DIPK1A: variants seen among roughly 807,000 people sequenced by gnomAD.
DIPK1A encodes family with sequence similarity 69 member A.
Under a neutral mutation model 40.8 loss-of-function variants are expected in DIPK1A, and 27 were observed. That is an observed-to-expected ratio of 0.66 (90% CI 0.49 to 0.91). The LOEUF (loss-of-function observed/expected upper bound fraction) is 0.91. DIPK1A is among the 40% of genes least tolerant of loss of function. DIPK1A has a pLI of 0.00. For synonymous variants in DIPK1A, 166 were observed against 171.3 expected, an observed-to-expected ratio of 0.97 and a Z score of 0.24; for missense variants, 412 against 505.7, an observed-to-expected ratio of 0.81 and a Z score of 1.78.
At chr1:92,902,898 C>T (rs1379076405) in intron 1 of DIPK1A, among the ~76,000 whole-genome samples, 3 of 152,138 alleles carry the variant, frequency 2.0e-5, no homozygotes, top group Non-Finnish European at 4.4e-5. Context: ...ATGATGACCA[C>T]GAGGGGCTTC....
intron 1 of DIPK1A, among the ~76,000 whole-genome samples, chr1:92,908,687 G>A (rs1281334458): frequency 6.6e-6 from 1 of 152,184 alleles, no homozygotes; most frequent in Non-Finnish European, 1.5e-5. Flanking sequence ...GTTTTTTAAA[G>A]CCAAGAGAAA....
intron 1 of DIPK1A, among the ~76,000 whole-genome samples, chr1:92,903,531 A>G (rs898407151): frequency 6.6e-6 from 1 of 152,230 alleles, no homozygotes; most frequent in African/African-American, 2.4e-5. Context: ...AGTTATACTT[A>G]GACCTGTGAG....
chr1:92,896,674 G>C (rs1164807964), intron 1 of DIPK1A, among the ~76,000 whole-genome samples: 3 of 151,806 alleles, frequency 2.0e-5, no homozygotes, highest in African/African-American at 7.3e-5. Context: ...TTAAACTAAA[G>C]AGCTTCTGCA....
At chr1:92,927,022 G>A in intron 1 of DIPK1A, among the ~76,000 whole-genome samples, 1 of 151,932 alleles carries the variant, frequency 6.6e-6, no homozygotes, top group East Asian at 1.9e-4. Flanking sequence ...CCATTTTAGT[G>A]TTTTGCATTT....
At chr1:92,854,415 C>CAT (rs949607964) in intron 2 of DIPK1A, among the ~76,000 whole-genome samples, 1 of 152,244 alleles carries the variant, frequency 6.6e-6, no homozygotes, top group Non-Finnish European at 1.5e-5. Context: ...AGCCCACTCT[C>CAT]TTAATGACTA....
intron 1 of DIPK1A, among the ~76,000 whole-genome samples, chr1:92,890,564 T>G (rs1181741889): frequency 1.3e-5 from 2 of 152,238 alleles, no homozygotes; most frequent in African/African-American, 2.4e-5. Flanking sequence ...TGGTATTTAT[T>G]AAAATGACCA....
In DIPK1A at chr1:92,903,052, C is replaced by T. The variant is rs1289971581; in HGVS notation, c.55-26622G>A. Reference sequence around the variant, plus strand: ...ATTTCTGAAACATAATGTTACACTGCTTTCTTTTTATTTATTTTTTGAAAC... The same window carrying T: ...ATTTCTGAAACATAATGTTACACTGTTTTCTTTTTATTTATTTTTTGAAAC... On this transcript the variant is annotated intron_variant, in intron 1 of 4. Transcript: ENST00000370310. 2.0e-5 allele frequency among the ~76,000 whole-genome samples: 3 copies of T among 151,952 alleles called. 1 individual carries two copies. The highest frequency in any genetic ancestry group is 2.0e-4 in the Admixed American group (3 of 15,234).
chr1:92,896,034 G>A (rs927280208), intron 1 of DIPK1A, among the ~76,000 whole-genome samples: 2 of 152,150 alleles, frequency 1.3e-5, no homozygotes, highest in African/African-American at 4.8e-5. Context: ...AACATTCCAT[G>A]CTCATGGGTA....
At chr1:92,954,294 T>A (rs1651751971) in intron 1 of DIPK1A, among the ~76,000 whole-genome samples, 1 of 148,074 alleles carries the variant, frequency 6.8e-6, no homozygotes, top group Non-Finnish European at 1.5e-5. Flanking sequence ...CAAGACCCTG[T>A]CTCACAAAAA....
chr1:92,890,976 C>A (rs1003047245), intron 1 of DIPK1A, among the ~76,000 whole-genome samples: 21 of 152,192 alleles, frequency 1.4e-4, no homozygotes, highest in African/African-American at 5.1e-4. Context: ...ATTACAAATT[C>A]ATAGATTCAA....
chr1:92,857,135 T>C (rs1001687867), intron 2 of DIPK1A, among the ~76,000 whole-genome samples: 1 of 152,090 alleles, frequency 6.6e-6, no homozygotes, highest in Non-Finnish European at 1.5e-5. Flanking sequence ...AAAAACATCA[T>C]GGCAAAAACT....
intron 1 of DIPK1A, among the ~76,000 whole-genome samples, chr1:92,879,522 T>C (rs1485861209): frequency 6.6e-6 from 1 of 152,224 alleles, no homozygotes; most frequent in African/African-American, 2.4e-5. Flanking sequence ...GTTAGATTGA[T>C]GATGTTCCCA....
At position 92,843,715 on chromosome 1, in the gene DIPK1A, C is replaced by G; in HGVS notation, c.955G>C (p.Glu319Gln). The change falls in exon 5 of 5, where the codon GAG becomes CAG. Residue 319 changes from glutamate to glutamine, a missense_variant. By Grantham distance (29) the Glu-to-Gln change is conservative. Coordinates refer to ENST00000370310, the MANE Select transcript of DIPK1A (RefSeq NM_001006605.5). ...TTAATAAGTTCTTTCAGGTTTGTCTCTGGCACAATTTTTCTCATATCCACC... is the reference window on the plus strand; with the variant it reads ...TTAATAAGTTCTTTCAGGTTTGTCTGTGGCACAATTTTTCTCATATCCACC... ...KMVDMRKIVP[E>Q]TNLKELIKDR... 6.4e-7 allele frequency: 1 copy of G among 1,551,728 alleles called. No homozygotes were observed. The highest frequency in any genetic ancestry group is 8.7e-7 in the Non-Finnish European group (1 of 1,146,972).
chr1:92,841,721 C>T (rs758657195), downstream of DIPK1A: 1 of 1,230,318 alleles, frequency 8.1e-7, no homozygotes, highest in Non-Finnish European at 1.2e-6. Context: ...ATATTCTATT[C>T]TCTTCAGTTA....
At chr1:92,847,439 C>T in intron 3 of DIPK1A, 80 bp from the exon 4 acceptor site, 2 of 884,822 alleles carry the variant, frequency 2.3e-6, no homozygotes, top group Admixed American at 6.4e-5. Context: ...TTTTAGGGTC[C>T]TCCTCCTCTG....
chr1:92,878,589 G>C (rs1423921139), intron 1 of DIPK1A, among the ~76,000 whole-genome samples: 2 of 152,164 alleles, frequency 1.3e-5, no homozygotes, highest in Admixed American at 6.5e-5. Flanking sequence ...GGGAGGCCGA[G>C]GTGGGCGGAT....
chr1:92,869,732 T>C (rs1279077505), intron 2 of DIPK1A, among the ~76,000 whole-genome samples: 1 of 144,642 alleles, frequency 6.9e-6, no homozygotes, highest in Non-Finnish European at 1.6e-5. Flanking sequence ...TTTAAGATTA[T>C]GCAGTTTTAT....
chr1:92,836,617 G>C (rs1242108699), intron 4 of DIPK1A: 1 of 544,150 alleles, frequency 1.8e-6, no homozygotes, highest in African/African-American at 1.9e-5. Context: ...TTTCGGGCCA[G>C]TTATTGAAAG....
At chr1:92,894,980 A>G (rs1326632463) in intron 1 of DIPK1A, among the ~76,000 whole-genome samples, 1 of 152,154 alleles carries the variant, frequency 6.6e-6, no homozygotes, top group East Asian at 1.9e-4. Context: ...TGAATAGACC[A>G]ATAACAGGCT....
Sources: allele counts gnomAD v4.1 joint callset (sites outside exome capture counted in the v4.1 genomes callset), GRCh38; gene constraint gnomAD v4.1.1; transcripts MANE v1.5; gene names NCBI Gene and HGNC (gene_info 2026-07-23, HGNC 2026-07-21).